Variants in SRD5A1 observed in about 807,000 individuals in gnomAD.
The protein encoded by SRD5A1 is 3-oxo-5-alpha-steroid 4-dehydrogenase 1.
SRD5A1 carries 22 observed loss-of-function variants against 28.2 expected under a neutral mutation model. The ratio of observed to expected loss-of-function variants is 0.78; its 90% CI spans 0.56 to 1.12. The LOEUF (loss-of-function observed/expected upper bound fraction) is 1.12, where lower values mean the gene tolerates loss of function less well. SRD5A1 is among the 50% of genes most tolerant of loss of function. SRD5A1 has a pLI of 0.00. For missense variants in SRD5A1, 300 were observed against 346.7 expected (o/e 0.87, Z 1.07); for synonymous variants, 151 against 135.0 (o/e 1.12, Z -0.82).
At chr5:6,652,182 C>A (rs533790263) in intron 2 of SRD5A1, among the ~76,000 whole-genome samples, 174 bp downstream of exon 2, 1 of 152,198 alleles carries the variant, frequency 6.6e-6, no homozygotes, top group Admixed American at 6.5e-5. Context: ...CAGCTGGGGG[C>A]AGAGAGGTGA....
rs1738085195 is a variant in SRD5A1 at position 6,633,985 on chromosome 5, C to G, written c.293+116C>G. 39 of 1,113,544 alleles carry G rather than the reference C, an allele frequency of 3.5e-5. No individual in the cohort carries two copies. In the South Asian group the frequency reaches 5.1e-4, roughly 14 times the overall value. The allele number at this position is 1,113,544 out of a possible 1,614,324, so 69.0% of individuals were successfully genotyped here. Reference sequence around the variant, plus strand: ...GCCTCCCCCACCCAGATGCCCTCTCCCTGCCAGATCCCCCGGGGCGTCCCC... The same window carrying G: ...GCCTCCCCCACCCAGATGCCCTCTCGCTGCCAGATCCCCCGGGGCGTCCCC... On this transcript the variant is annotated intron_variant, in intron 1 of 4. Coordinates refer to ENST00000274192, the MANE Select transcript of SRD5A1 (RefSeq NM_001047.4).
chr5:6,669,039 G>GA lies in SRD5A1; in HGVS notation c.*772dup, dbSNP rs1363868742. ...GTGAGCCATCAATGTGCTCTGGTCT[G>GA]ACATGGTTTCTCTCTGTCTTCTAGT... On this transcript the variant is annotated 3_prime_UTR_variant, in exon 5 of 5. Coordinates refer to ENST00000274192, the MANE Select transcript of SRD5A1 (RefSeq NM_001047.4). The GA allele has an allele frequency of 6.6e-6, 1 of 152,240 alleles. No homozygotes were observed. The highest frequency in any genetic ancestry group is 1.5e-5 in the Non-Finnish European group (1 of 68,072). The allele number at this position is 152,240 out of a possible 1,614,324, so 9.4% of individuals were successfully genotyped here.
At chr5:6,639,702 A>AT (rs1335563061) in intron 1 of SRD5A1, among the ~76,000 whole-genome samples, 2 of 152,230 alleles carry the variant, frequency 1.3e-5, no homozygotes, top group African/African-American at 4.8e-5. Flanking sequence ...AGCCCAGGAA[A>AT]TTGAATTTCT....
intron 2 of SRD5A1, among the ~76,000 whole-genome samples, chr5:6,655,460 C>T (rs1363949814): frequency 1.3e-5 from 2 of 152,198 alleles, no homozygotes; most frequent in African/African-American, 4.8e-5. Flanking sequence ...ACGGGAGACT[C>T]TTGTCAAGAA....
chr5:6,635,488 T>C (rs501999), intron 1 of SRD5A1, among the ~76,000 whole-genome samples: 79,376 of 151,692 alleles, frequency 0.52, 20,948 homozygotes, highest in Admixed American at 0.57. Context: ...GTCATGACCC[T>C]GGATGAGTTA....
At chr5:6,653,989 C>T (rs1051758645) in intron 2 of SRD5A1, among the ~76,000 whole-genome samples, 7 of 152,172 alleles carry the variant, frequency 4.6e-5, no homozygotes, top group South Asian at 4.1e-4. Flanking sequence ...AGGAAACAGA[C>T]GTGAAATTAC....
At chr5:6,658,332 TA>T (rs918686450) in intron 3 of SRD5A1, among the ~76,000 whole-genome samples, 1 of 151,448 alleles carries the variant, frequency 6.6e-6, no homozygotes, top group Non-Finnish European at 1.5e-5. Context: ...CTAAAAAAAA[TA>T]AAAAAAATAA....
chr5:6,666,816 C>T (rs1018419688), intron 4 of SRD5A1, among the ~76,000 whole-genome samples: 1 of 152,154 alleles, frequency 6.6e-6, no homozygotes, highest in Non-Finnish European at 1.5e-5. Context: ...CGCGTTTTCT[C>T]GGCATCCTGC....
At position 6,670,119 on chromosome 5, in the gene SRD5A1, TTGCCGGGGAAGAGAAGGTA is replaced by T. The variant is rs1007059549; in HGVS notation, c.*1852_*1870del. On this transcript the variant is annotated 3_prime_UTR_variant, in exon 5 of 5. Coordinates refer to ENST00000274192, the MANE Select transcript of SRD5A1 (RefSeq NM_001047.4). The stretch of plus-strand genomic sequence containing the variant: ...AGCCCAGAAATGAGCCATGTGCCCA[TTGCCGGGGAAGAGAAGGTA>T]GGCTGAGGAGGTGGCCTTTCCTAAC... 2 of 152,246 alleles carry T rather than the reference TTGCCGGGGAAGAGAAGGTA, an allele frequency of 1.3e-5. No homozygotes were observed. The highest frequency in any genetic ancestry group is 4.8e-5 in the African/African-American group (2 of 41,418). The allele number at this position is 152,246 out of a possible 1,614,324, so 9.4% of individuals were successfully genotyped here.
At position 6,656,300 on chromosome 5, in the gene SRD5A1, A is replaced by G. The variant is rs564736608; in HGVS notation, c.562+121A>G. 1.5e-4 allele frequency: 112 copies of G among 744,206 alleles called. No individual in the cohort carries two copies. The South Asian group carries it at 1.7e-3, about 11-fold the overall frequency. The allele number at this position is 744,206 out of a possible 1,614,324, so 46.1% of individuals were successfully genotyped here. ...TTATTAGCTACAAGTTTTCAGTGTA[A>G]GTCATCATTATTAATAACAAGTGCT... On this transcript the variant is annotated intron_variant, in intron 3 of 4. Coordinates refer to ENST00000274192, the MANE Select transcript of SRD5A1 (RefSeq NM_001047.4).
chr5:6,649,005 G>A lies in SRD5A1; in HGVS notation c.294-2837G>A, dbSNP rs928931540. On this transcript the variant is annotated intron_variant, in intron 1 of 4. Coordinates refer to ENST00000274192, the MANE Select transcript of SRD5A1 (RefSeq NM_001047.4). ...CTCTGCTGCAGGTCTGCCTGAGTTT[G>A]CTGGAGGTCCGCTCCAGACCCTGTT... 3.9e-4 allele frequency among the ~76,000 whole-genome samples: 60 copies of A among 152,238 alleles called. 3 individuals are homozygous for A. Among genetic ancestry groups the A allele is most frequent in the Admixed American group, 3.9e-3 (59 of 15,286 alleles).
At chr5:6,645,000 T>G in intron 1 of SRD5A1, 1 of 455,980 alleles carries the variant, frequency 2.2e-6, no homozygotes, top group Non-Finnish European at 4.4e-6. Flanking sequence ...ACACAACATC[T>G]GAATGCACAC....
At chr5:6,639,162 A>G (rs1001528702) in intron 1 of SRD5A1, among the ~76,000 whole-genome samples, 4 of 152,226 alleles carry the variant, frequency 2.6e-5, no homozygotes, top group African/African-American at 9.6e-5. Flanking sequence ...ATATTTCAAG[A>G]CATACTTCTT....
chr5:6,654,434 T>TTTTGTTTG (rs112962033), intron 2 of SRD5A1, among the ~76,000 whole-genome samples: 10,055 of 151,424 alleles, frequency 0.066, 813 homozygotes, highest in African/African-American at 0.19. Context: ...TAAGTTTTTT[T>TTTTGTTTG]TTTGTTTGTT....
rs1009544493 is a variant in SRD5A1, at chr5:6,670,966, T to C, written c.*2698T>C. ...GTTGTGAATTGTGCTGCTATAAACA[T>C]GTGCGTGCAAGTATCTTTTTTTGAA... On this transcript the variant is annotated 3_prime_UTR_variant, in exon 5 of 5. Coordinates refer to ENST00000274192, the MANE Select transcript of SRD5A1 (RefSeq NM_001047.4). 12 of 152,248 alleles carry C rather than the reference T, an allele frequency of 7.9e-5. No homozygotes were observed. Among genetic ancestry groups the C allele is most frequent in the African/African-American group, 2.7e-4 (11 of 41,476 alleles). The allele number at this position is 152,248 out of a possible 1,614,324, so 9.4% of individuals were successfully genotyped here.
At chr5:6,649,893 G>A (rs931006286) in intron 1 of SRD5A1, among the ~76,000 whole-genome samples, 9 of 152,060 alleles carry the variant, frequency 5.9e-5, no homozygotes, top group Admixed American at 3.9e-4. Flanking sequence ...CATCTTGCCC[G>A]CCCACCCTTC....
intron 1 of SRD5A1, chr5:6,645,233 A>C (rs1252250385): frequency 1.6e-5 from 5 of 306,104 alleles, no homozygotes; most frequent in Admixed American, 4.6e-5. Flanking sequence ...CTAATGACTA[A>C]TTATGACTTT....
chr5:6,647,167 G>A (rs1432482113), intron 1 of SRD5A1, among the ~76,000 whole-genome samples: 3 of 152,232 alleles, frequency 2.0e-5, no homozygotes, highest in Middle Eastern at 3.4e-3. Context: ...CCATTCTTTT[G>A]CATTTGTTGA....
At chr5:6,642,077 T>C (rs1362356214) in intron 1 of SRD5A1, among the ~76,000 whole-genome samples, 1 of 152,222 alleles carries the variant, frequency 6.6e-6, no homozygotes, top group Non-Finnish European at 1.5e-5. Flanking sequence ...AAATTCAAAA[T>C]ATATTATCTT....
Sources: gnomAD v4.1 joint callset for allele counts (sites outside exome capture counted in the v4.1 genomes callset) on GRCh38, gnomAD v4.1.1 for gene constraint, MANE v1.5 for transcripts, NCBI Gene and HGNC (gene_info 2026-07-23, HGNC 2026-07-21) for gene names.